Variants in ARHGAP32 observed in about 807,000 individuals in gnomAD.
ARHGAP32 encodes the protein rho GTPase-activating protein 32.
ARHGAP32 carries 51 observed loss-of-function variants against 186.5 expected under a neutral mutation model. The ratio of observed to expected loss-of-function variants is 0.27; its 90% confidence interval spans 0.22 to 0.35. The LOEUF (loss-of-function observed/expected upper bound fraction) is 0.35. Ranked by LOEUF, ARHGAP32 falls within the 10% of genes least tolerant of loss-of-function variation. The pLI, the probability that ARHGAP32 is intolerant of heterozygous loss-of-function variation, is 1.00. For missense variants in ARHGAP32, 2,186 were observed against 2,623.5 expected (o/e 0.83, Z 3.64); for synonymous variants, 950 against 964.3 (o/e 0.99, Z 0.27).
At chr11:128,974,019 TAAAGGCTAGCTGTGGACA>T in intron 21 of ARHGAP32, 87 bp downstream of exon 21, 1 of 1,355,654 alleles carries the variant, frequency 7.4e-7, no homozygotes, top group Non-Finnish European at 1.0e-6. Flanking sequence ...TCTCTTTGAT[TAAAGGCTAGCTGTGGACA>T]AATTTCTCTC....
At chr11:129,178,093 G>C (rs1194410941) in intron 1 of ARHGAP32, among the ~76,000 whole-genome samples, 1 of 150,426 alleles carries the variant, frequency 6.6e-6, no homozygotes, top group East Asian at 1.9e-4. Context: ...CTTCAGCAAA[G>C]TCTCAGGATA....
chr11:129,250,678 C>A (rs892522318), intron 1 of ARHGAP32, among the ~76,000 whole-genome samples: 1 of 152,186 alleles, frequency 6.6e-6, no homozygotes, highest in African/African-American at 2.4e-5. Flanking sequence ...AATGAAAATT[C>A]TCACTTTCTA....
At chr11:129,124,685 C>T in intron 3 of ARHGAP32, 118 bp downstream of exon 3, 1 of 649,830 alleles carries the variant, frequency 1.5e-6, no homozygotes, top group Non-Finnish European at 2.5e-6. Flanking sequence ...TAAGGATTAG[C>T]AGTTGCACAG....
intron 11 of ARHGAP32, among the ~76,000 whole-genome samples, chr11:129,040,488 A>C (rs1433036062): frequency 6.6e-6 from 1 of 152,188 alleles, no homozygotes; most frequent in Non-Finnish European, 1.5e-5. Flanking sequence ...ATATTTATGC[A>C]GCACTGTAAG....
chr11:129,268,517 G>A (rs375397921), intron 1 of ARHGAP32, among the ~76,000 whole-genome samples: 27 of 151,998 alleles, frequency 1.8e-4, no homozygotes, highest in Non-Finnish European at 2.8e-4. Context: ...TTCCCTGGGG[G>A]CCTATATAGC....
chr11:129,050,499 C>A (rs919769832), intron 10 of ARHGAP32, among the ~76,000 whole-genome samples: 2 of 152,194 alleles, frequency 1.3e-5, no homozygotes, highest in Non-Finnish European at 2.9e-5. Context: ...TGCTACTGAG[C>A]TTGCCCAGTG....
chr11:129,193,481 CA>C (rs1204964930), upstream of ARHGAP32, among the ~76,000 whole-genome samples: 6,291 of 25,872 alleles, frequency 0.24, 750 homozygotes, highest in Non-Finnish European at 0.28. Context: ...GACCCTGTCT[CA>C]AAAAAAAAAA....
At chr11:129,150,166 G>A (rs1334422692) in intron 2 of ARHGAP32, among the ~76,000 whole-genome samples, 1 of 150,362 alleles carries the variant, frequency 6.7e-6, no homozygotes, top group Non-Finnish European at 1.5e-5. Context: ...AGAAATTAGG[G>A]ATTATGTTAA....
intron 2 of ARHGAP32, among the ~76,000 whole-genome samples, chr11:129,161,920 G>A (rs1051847939): frequency 2.0e-5 from 3 of 152,142 alleles, no homozygotes; most frequent in Non-Finnish European, 4.4e-5. Flanking sequence ...TGATAGACTG[G>A]ATAAAGAAAA....
At chr11:128,985,921 A>T in intron 15 of ARHGAP32, 82 bp downstream of exon 15, 1 of 705,864 alleles carries the variant, frequency 1.4e-6, no homozygotes, top group Non-Finnish European at 2.2e-6. Context: ...AAGGAAGTTT[A>T]AATAGAAATC....
chr11:128,998,540 A>G (rs1398516396), intron 11 of ARHGAP32, 72 bp from the exon 12 acceptor site: 1 of 1,195,430 alleles, frequency 8.4e-7, no homozygotes, highest in Non-Finnish European at 1.1e-6. Flanking sequence ...AAAAACAAAC[A>G]TATCTCAAGA....
chr11:128,977,718 C>G (rs925459032), intron 19 of ARHGAP32, among the ~76,000 whole-genome samples: 1 of 152,026 alleles, frequency 6.6e-6, no homozygotes, highest in African/African-American at 2.4e-5. Context: ...GCTTTGTCAT[C>G]CAGGCTGGAG....
intron 3 of ARHGAP32, among the ~76,000 whole-genome samples, chr11:129,124,282 A>C (rs1314153997): frequency 6.6e-6 from 1 of 152,112 alleles, no homozygotes; most frequent in African/African-American, 2.4e-5. Flanking sequence ...AACTGTGAAC[A>C]CTCACGTAAG....
intron 12 of ARHGAP32, among the ~76,000 whole-genome samples, chr11:128,991,125 T>C (rs1405702789): frequency 1.3e-5 from 2 of 152,192 alleles, no homozygotes; most frequent in Non-Finnish European, 2.9e-5. Flanking sequence ...ATTAGATTCA[T>C]ATCTGTTTAT....
At chr11:129,230,243 A>T (rs746046881) in intron 1 of ARHGAP32, among the ~76,000 whole-genome samples, 5 of 152,222 alleles carry the variant, frequency 3.3e-5, no homozygotes, top group African/African-American at 1.2e-4. Flanking sequence ...AAAGTTTAAC[A>T]TTATACTGCT....
At chr11:128,973,503 A>G (rs1945454840) in intron 21 of ARHGAP32, 71 bp from the exon 22 acceptor site, 2 of 1,511,758 alleles carry the variant, frequency 1.3e-6, no homozygotes, top group South Asian at 2.5e-5. Context: ...AAAGCCAAAC[A>G]CTCCCCATGT....
intron 2 of ARHGAP32, among the ~76,000 whole-genome samples, chr11:129,142,552 C>T (rs1943077587): frequency 6.6e-6 from 1 of 152,020 alleles, no homozygotes; most frequent in Non-Finnish European, 1.5e-5. Flanking sequence ...AGGCAAACTA[C>T]TAATCAAAAT....
At chr11:129,166,254 G>T (rs1943638356) in intron 1 of ARHGAP32, among the ~76,000 whole-genome samples, 1 of 151,664 alleles carries the variant, frequency 6.6e-6, no homozygotes. Flanking sequence ...GAGAGACTTG[G>T]TTTAAAAAAA....
chr11:129,236,417 G>A (rs1830238363), intron 1 of ARHGAP32, among the ~76,000 whole-genome samples: 1 of 152,018 alleles, frequency 6.6e-6, no homozygotes, highest in African/African-American at 2.4e-5. Flanking sequence ...TTGTGGGATT[G>A]TTTGGTTTGT....
Sources: allele counts gnomAD v4.1 joint callset (sites outside exome capture counted in the v4.1 genomes callset), GRCh38; gene constraint gnomAD v4.1.1; transcripts MANE v1.5; gene names NCBI Gene and HGNC (gene_info 2026-07-23, HGNC 2026-07-21).